Variants in PPIP5K1 observed in about 807,000 individuals in gnomAD.
PPIP5K1 encodes inositol hexakisphosphate and diphosphoinositol-pentakisphosphate kinase 1.
A neutral mutation model predicts 27.7 loss-of-function variants in PPIP5K1; 6 were observed. The ratio of observed to expected loss-of-function variants is 0.22; its 90% CI spans 0.12 to 0.43. The LOEUF is 0.43. PPIP5K1 is among the 20% of genes least tolerant of loss of function. The pLI is 1.00. For synonymous variants in PPIP5K1, 145 were observed against 242.6 expected, an observed-to-expected ratio of 0.60 and a Z score of 3.74; for missense variants, 394 against 635.4, an observed-to-expected ratio of 0.62 and a Z score of 4.08.
rs760445829 is a variant in PPIP5K1, at chr15:43,535,308, T to C, written c.3839A>G (p.Gln1280Arg). The part of the protein sequence containing the change: ...LLQETPGSGA[Q>R]ELSIEGEQEL... ...TTGCTCCCCTTCTATGGAGAGCTCT[T>C]GTGCTCCACTCCCAGGGGTCTCCTG... Residue 1280 changes from glutamine (Q) to arginine (R), a missense_variant, in exon 32 of 32, where the codon CAA becomes CGA. Transcript: ENST00000420765. The C allele has an allele frequency of 1.3e-5, 21 of 1,614,218 alleles. No individual in the cohort carries two copies. The South Asian group carries it at 2.2e-4, about 17-fold the overall frequency.
At chr15:43,549,332 T>C (rs1180612290) in intron 30 of PPIP5K1, among the ~76,000 whole-genome samples, 2 of 152,136 alleles carry the variant, frequency 1.3e-5, no homozygotes, top group Non-Finnish European at 2.9e-5. Flanking sequence ...GAATTGTTTT[T>C]ATTATTTCCT....
chr15:43,534,605 T>C lies in PPIP5K1; in HGVS notation c.*69A>G, dbSNP rs936087951. 7.2e-7 allele frequency: 1 copy of C among 1,387,598 alleles called. No individual in the cohort carries two copies. Among genetic ancestry groups the C allele is most frequent in the Non-Finnish European group, 9.7e-7 (1 of 1,028,662 alleles). The allele number at this position is 1,387,598 out of a possible 1,614,324, so 86.0% of individuals were successfully genotyped here. A position where few individuals can be genotyped will look rare whatever the true frequency, so the allele number is the denominator to read the frequency against. On this transcript the variant is annotated 3_prime_UTR_variant, in exon 32 of 32. Coordinates refer to ENST00000420765, the MANE Select transcript of PPIP5K1 (RefSeq NM_001394395.1). Reference sequence around the variant, plus strand: ...GGCTCTGAGGGTTTGGATCACCAGATGGATGCTGGGCTTGAGGAATACCCT... The same window carrying C: ...GGCTCTGAGGGTTTGGATCACCAGACGGATGCTGGGCTTGAGGAATACCCT...
At chr15:43,546,650 T>C (rs1221425547) in intron 30 of PPIP5K1, among the ~76,000 whole-genome samples, 2 of 133,846 alleles carry the variant, frequency 1.5e-5, no homozygotes, top group African/African-American at 6.9e-5. Flanking sequence ...AGTACCTGTT[T>C]TCAATTTTTT....
rs190919087 is a variant in PPIP5K1, at chr15:43,535,155, G to C, written c.3992C>G (p.Ala1331Gly). The C allele has an allele frequency of 1.2e-6, 2 of 1,611,724 alleles. No homozygotes were observed. Among genetic ancestry groups the C allele is most frequent in the East Asian group, 2.2e-5 (1 of 44,788 alleles). Reference sequence around the variant, plus strand: ...GACCTTCTGACATGGCTGGCTGAGCGCCTCAGAAATGTCCTGGCATGGCTG... The same window carrying C: ...GACCTTCTGACATGGCTGGCTGAGCCCCTCAGAAATGTCCTGGCATGGCTG... ...ISQPCQDISE[A>G]LSQPCQKVPD... Residue 1331 changes from alanine to glycine, a missense_variant, in exon 32 of 32, where the codon GCG becomes GGG. By Grantham distance (60) the Ala-to-Gly change is moderately conservative (BLOSUM62 0). Around this residue, in one of 4 missense-constraint regions of PPIP5K1, gnomAD observed 379 missense variants for 423.9 expected, o/e 0.89. Transcript: ENST00000420765.
chr15:43,535,539 G>C (rs1172935790), intron 31 of PPIP5K1, 63 bp from the exon 32 acceptor site: 2 of 1,312,642 alleles, frequency 1.5e-6, no homozygotes, highest in Admixed American at 2.4e-5. Flanking sequence ...ACCCTGTGCA[G>C]ATAGTTCAAA....
intron 31 of PPIP5K1, chr15:43,536,235 A>G (rs1159446323): frequency 1.6e-5 from 7 of 429,468 alleles, no homozygotes; most frequent in African/African-American, 1.1e-4. Context: ...CCTGGCCAAC[A>G]TGGCAAAACC....
At position 43,533,834 on chromosome 15, in the gene PPIP5K1, C is replaced by T. The variant is rs973674585; in HGVS notation, c.*840G>A. ...CAAACAGCCCCACCACAGAGGAGGC[C>T]CACTTTCACAGACTGGCTAAGAATC... On this transcript the variant is annotated 3_prime_UTR_variant, in exon 32 of 32. Transcript: ENST00000420765. 6.6e-6 allele frequency: 1 copy of T among 152,098 alleles called. No homozygotes were observed. Among genetic ancestry groups the T allele is most frequent in the Non-Finnish European group, 1.5e-5 (1 of 68,048 alleles). The allele number at this position is 152,098 out of a possible 1,614,324, so 9.4% of individuals were successfully genotyped here. A position where few individuals can be genotyped will look rare whatever the true frequency, so the allele number is the denominator to read the frequency against.
At chr15:43,555,128 T>C (rs1171673735) in intron 30 of PPIP5K1, among the ~76,000 whole-genome samples, 5 of 152,142 alleles carry the variant, frequency 3.3e-5, no homozygotes, top group Non-Finnish European at 1.5e-5. Flanking sequence ...TGAGCCACCA[T>C]GCCCAGGCGT....
At chr15:43,536,367 C>T (rs1291743303) in intron 31 of PPIP5K1, 1 of 204,290 alleles carries the variant, frequency 4.9e-6, no homozygotes, top group South Asian at 5.9e-5. Context: ...TGCAGTGAGC[C>T]GAAATTGTGC....
Position 43,547,486 on chromosome 15 carries a change from A to C in PPIP5K1, c.3557-7903T>G, listed in dbSNP as rs117234296. On this transcript the variant is annotated intron_variant, in intron 30 of 31. Coordinates refer to ENST00000420765, the MANE Select transcript of PPIP5K1 (RefSeq NM_001394395.1). ...CTTCTTCTAAGAGATTTATAATTTT[A>C]ACTCTTATACTTAGGTCATTGATCC... 7.9e-5 allele frequency among the ~76,000 whole-genome samples: 12 copies of C among 152,314 alleles called. No individual in the cohort carries two copies. In the East Asian group the frequency reaches 2.3e-3, roughly 29 times the overall value.
At chr15:43,545,922 C>G (rs1173891575) in intron 30 of PPIP5K1, among the ~76,000 whole-genome samples, 1 of 152,070 alleles carries the variant, frequency 6.6e-6, no homozygotes, top group South Asian at 2.1e-4. Context: ...ACCCCATATC[C>G]ATTAAGAAGT....
At chr15:43,558,100 C>G (rs2083250979) in intron 30 of PPIP5K1, among the ~76,000 whole-genome samples, 1 of 147,844 alleles carries the variant, frequency 6.8e-6, no homozygotes, top group African/African-American at 2.5e-5. Flanking sequence ...CTCGCTCTGT[C>G]ACCCAGGCTG....
chr15:43,541,955 G>C (rs1369320228), intron 30 of PPIP5K1, among the ~76,000 whole-genome samples: 2 of 152,080 alleles, frequency 1.3e-5, no homozygotes, highest in African/African-American at 4.8e-5. Flanking sequence ...GCTGTATATT[G>C]CATCATACTG....
At chr15:43,549,965 T>C (rs2081987270) in intron 30 of PPIP5K1, among the ~76,000 whole-genome samples, 3 of 152,128 alleles carry the variant, frequency 2.0e-5, no homozygotes, top group Admixed American at 6.5e-5. Context: ...AATAAGACCC[T>C]ATCTCAGCAA....
chr15:43,559,356 G>C (rs2083479174), intron 29 of PPIP5K1, among the ~76,000 whole-genome samples: 1 of 152,176 alleles, frequency 6.6e-6, no homozygotes, highest in South Asian at 2.1e-4. Flanking sequence ...AGCAGATTTT[G>C]GGTATCATGA....
At chr15:43,579,383 TACACACACAC>T (rs371291746) in intron 10 of PPIP5K1, among the ~76,000 whole-genome samples, 6 of 84,298 alleles carry the variant, frequency 7.1e-5, no homozygotes, top group South Asian at 4.0e-4. Context: ...TTCGATTATA[TACACACACAC>T]ACACACACAC....
chr15:43,549,607 C>T (rs1015363249), intron 30 of PPIP5K1, among the ~76,000 whole-genome samples: 21 of 152,008 alleles, frequency 1.4e-4, no homozygotes, highest in African/African-American at 4.6e-4. Flanking sequence ...GAGCTGAGAT[C>T]ATGCCAGTGC....
chr15:43,535,047 C>T lies in PPIP5K1; in HGVS notation c.4100G>A (p.Cys1367Tyr). 2 of 1,613,722 alleles carry T rather than the reference C, an allele frequency of 1.2e-6. No homozygotes were observed. The highest frequency in any genetic ancestry group is 1.7e-6 in the Non-Finnish European group (2 of 1,179,890). Reference sequence around the variant, plus strand: ...CTGGCACAGTTGGCTGGACTTCTGGCATGGCTGGCTGATGTGAGGGACCTC... The same window carrying T: ...CTGGCACAGTTGGCTGGACTTCTGGTATGGCTGGCTGATGTGAGGGACCTC... ...CQEVPHISQPCQKSSQLCQKV... is the reference protein window; with the variant it reads ...CQEVPHISQPYQKSSQLCQKV... The change falls in exon 32 of 32, where the codon TGC becomes TAC. Residue 1367 changes from cysteine (C) to tyrosine (Y), a missense_variant. By Grantham distance (194) the Cys-to-Tyr change is radical. Coordinates refer to ENST00000420765, the MANE Select transcript of PPIP5K1 (RefSeq NM_001394395.1).
Position 43,534,499 on chromosome 15 carries a change from G to C in PPIP5K1, c.*175C>G. ...AAAAGGTTGCTGGCTCAAATGGCTGGTATAGTGTGATACCACTAATGAGAA... is the reference window on the plus strand; with the variant it reads ...AAAAGGTTGCTGGCTCAAATGGCTGCTATAGTGTGATACCACTAATGAGAA... On this transcript the variant is annotated 3_prime_UTR_variant, in exon 32 of 32. Coordinates refer to ENST00000420765, the MANE Select transcript of PPIP5K1 (RefSeq NM_001394395.1). 4 of 593,824 alleles carry C rather than the reference G, an allele frequency of 6.7e-6. No individual in the cohort carries two copies. Among genetic ancestry groups the C allele is most frequent in the Non-Finnish European group, 1.1e-5 (4 of 353,752 alleles). 36.8% of individuals were successfully genotyped at this position (593,824 alleles called of 1,614,324 possible). A position where few individuals can be genotyped will look rare whatever the true frequency, so the allele number is the denominator to read the frequency against.
Sources: allele counts gnomAD v4.1 joint callset (sites outside exome capture counted in the v4.1 genomes callset), GRCh38; gene constraint gnomAD v4.1.1; regional missense constraint gnomAD v4.1.1; transcripts MANE v1.5; gene names NCBI Gene and HGNC (gene_info 2026-07-23, HGNC 2026-07-21).